The following ROBO2 variants were observed in gnomAD, a reference collection of about 807,000 sequenced individuals.
ROBO2 encodes the protein roundabout guidance receptor 2, also known as roundabout homolog 2.
A neutral mutation model predicts 160.8 loss-of-function variants in ROBO2; 53 were observed. The ratio of observed to expected loss-of-function variants is 0.33; its 90% CI spans 0.26 to 0.41. The LOEUF is 0.41. Ranked by LOEUF, ROBO2 falls within the 10% of genes least tolerant of loss-of-function variation. ROBO2 has a pLI of 1.00. For missense variants in ROBO2, 1,577 were observed against 1,722.4 expected (o/e 0.92, Z 1.49); for synonymous variants, 664 against 611.7 (o/e 1.09, Z -1.26).
At chr3:77,102,922 C>CA in intron 2 of ROBO2, among the ~76,000 whole-genome samples, 2 of 149,960 alleles carry the variant, frequency 1.3e-5, no homozygotes, top group African/African-American at 2.5e-5. Flanking sequence ...AATCTCTAGG[C>CA]AAAAAATGTT....
chr3:76,947,964 T>C (rs868235352), intron 2 of ROBO2, among the ~76,000 whole-genome samples: 1 of 152,212 alleles, frequency 6.6e-6, no homozygotes, highest in East Asian at 1.9e-4. Context: ...CATTACTTAC[T>C]GCATCTCAGA....
chr3:76,464,943 T>C (rs1331600938), intron 2 of ROBO2, among the ~76,000 whole-genome samples: 1 of 152,114 alleles, frequency 6.6e-6, no homozygotes, highest in East Asian at 1.9e-4. Flanking sequence ...TTTATGAGTG[T>C]CTGTAATTTT....
chr3:77,309,084 T>A (rs1334681379), intron 2 of ROBO2, among the ~76,000 whole-genome samples: 1 of 151,888 alleles, frequency 6.6e-6, no homozygotes, highest in African/African-American at 2.4e-5. Flanking sequence ...TTTTTTGCTT[T>A]ATTTTGTTTT....
At position 76,202,173 on chromosome 3, in the gene ROBO2, A is replaced by T. The variant is rs549986997; in HGVS notation, c.109+264571A>T. On this transcript the variant is annotated intron_variant, in intron 2 of 26. Coordinates refer to the ROBO2 transcript ENST00000487694. ...CAATATTTTCCACATATATCGTGTTATGCTTCACTTGGCAATGTTCTGTCT... is the reference window on the plus strand; with the variant it reads ...CAATATTTTCCACATATATCGTGTTTTGCTTCACTTGGCAATGTTCTGTCT... 1.6e-4 allele frequency among the ~76,000 whole-genome samples: 24 copies of T among 152,318 alleles called. No individual in the cohort carries two copies. The South Asian group carries it at 5.0e-3, about 32-fold the overall frequency.
intron 2 of ROBO2, among the ~76,000 whole-genome samples, chr3:76,527,768 G>A (rs1407104960): frequency 2.6e-5 from 4 of 152,078 alleles, no homozygotes; most frequent in Admixed American, 2.6e-4. Flanking sequence ...AAATAAAGCA[G>A]AAAACAGAGT....
chr3:76,160,134 G>A (rs781142209), intron 2 of ROBO2, among the ~76,000 whole-genome samples: 3 of 151,966 alleles, frequency 2.0e-5, no homozygotes, highest in African/African-American at 7.2e-5. Flanking sequence ...AAGCAAAATG[G>A]CTTGAGCATC....
chr3:77,635,168 G>A lies in ROBO2; in HGVS notation c.3934+125G>A, dbSNP rs1388317847. 20 of 937,770 alleles carry A rather than the reference G, an allele frequency of 2.1e-5. No individual in the cohort carries two copies. The East Asian group carries it at 4.8e-4, about 22-fold the overall frequency. The allele number at this position is 937,770 out of a possible 1,614,324, so 58.1% of individuals were successfully genotyped here. A position where few individuals can be genotyped will look rare whatever the true frequency, so the allele number is the denominator to read the frequency against. On this transcript the variant is annotated intron_variant, in intron 24 of 25. Coordinates refer to ENST00000461745, the Ensembl canonical transcript of ROBO2. ...TCATTACATAACAAGACAAAAACCT[G>A]GCAATATGGCCTTGTTTAAATAAAA...
chr3:76,317,411 A>G (rs1264555439), intron 2 of ROBO2, among the ~76,000 whole-genome samples: 1 of 152,192 alleles, frequency 6.6e-6, no homozygotes, highest in Admixed American at 6.5e-5. Context: ...ATAGTAGTCA[A>G]GAAATTTGGA....
intron 2 of ROBO2, among the ~76,000 whole-genome samples, chr3:76,388,815 ATATT>A (rs1186789500): frequency 6.6e-6 from 1 of 151,982 alleles, no homozygotes; most frequent in Admixed American, 6.6e-5. Context: ...TATTCCATAA[ATATT>A]TATTGTTTTA....
intron 2 of ROBO2, among the ~76,000 whole-genome samples, chr3:76,636,730 C>T (rs1425422322): frequency 6.6e-6 from 1 of 152,116 alleles, no homozygotes; most frequent in African/African-American, 2.4e-5. Flanking sequence ...TAGGACCCAA[C>T]CATAGCTCCC....
chr3:77,276,631 G>T (rs549173864), intron 2 of ROBO2, among the ~76,000 whole-genome samples: 1 of 152,240 alleles, frequency 6.6e-6, no homozygotes, highest in African/African-American at 2.4e-5. Context: ...ACTCACCTTT[G>T]GTTCCAGCTA....
At chr3:76,855,906 T>C (rs929475220) in intron 2 of ROBO2, among the ~76,000 whole-genome samples, 1 of 152,186 alleles carries the variant, frequency 6.6e-6, no homozygotes, top group African/African-American at 2.4e-5. Flanking sequence ...CACAAACTCA[T>C]TGAAAGCAGT....
At chr3:76,156,168 G>C (rs2072398960) in intron 2 of ROBO2, among the ~76,000 whole-genome samples, 1 of 151,936 alleles carries the variant, frequency 6.6e-6, no homozygotes, top group African/African-American at 2.4e-5. Context: ...CATCGTAAGT[G>C]CTGTATTACA....
intron 2 of ROBO2, among the ~76,000 whole-genome samples, chr3:76,975,480 G>GGGCGACAGAGGGAGAC (rs1472122549): frequency 1.3e-5 from 2 of 152,160 alleles, no homozygotes; most frequent in Non-Finnish European, 2.9e-5. Context: ...ACTCCAGTCT[G>GGGCGACAGAGGGAGAC]GGCGACAGAG....
chr3:76,465,998 G>GGTGTGTGTGT (rs57838247), intron 2 of ROBO2, among the ~76,000 whole-genome samples: 9,225 of 147,564 alleles, frequency 0.063, 433 homozygotes, highest in Admixed American at 0.15. Flanking sequence ...ATAAAATATG[G>GGTGTGTGTGT]GTGTGTGTGT....
intron 2 of ROBO2, among the ~76,000 whole-genome samples, chr3:76,427,293 A>G (rs17735925): frequency 0.024 from 3,662 of 152,110 alleles, 76 homozygotes; most frequent in South Asian, 0.098. Flanking sequence ...TGCAACTGAT[A>G]GTTCTGGAGA....
chr3:76,189,705 A>G (rs1186345503), intron 2 of ROBO2, among the ~76,000 whole-genome samples: 1 of 152,102 alleles, frequency 6.6e-6, no homozygotes, highest in Non-Finnish European at 1.5e-5. Context: ...GTGAAAAGTT[A>G]TTTTCATGAA....
At chr3:76,380,623 CAT>C (rs550501156) in intron 2 of ROBO2, among the ~76,000 whole-genome samples, 3 of 152,140 alleles carry the variant, frequency 2.0e-5, no homozygotes, top group East Asian at 3.9e-4. Flanking sequence ...ATAGATATAA[CAT>C]ATAAAATACG....
chr3:77,541,194 G>A (rs1191882518), intron 6 of ROBO2, among the ~76,000 whole-genome samples: 1 of 152,278 alleles, frequency 6.6e-6, no homozygotes, highest in Middle Eastern at 3.4e-3. Context: ...CGTAGCTGTT[G>A]CATGACTCTC....
Sources: gnomAD v4.1 joint callset for allele counts (sites outside exome capture counted in the v4.1 genomes callset) on GRCh38, gnomAD v4.1.1 for gene constraint, MANE v1.5 for transcripts, NCBI Gene and HGNC (gene_info 2026-07-23, HGNC 2026-07-21) for gene names.